RBMS3: variants seen among roughly 807,000 people sequenced by gnomAD.
RBMS3 encodes the protein RNA-binding motif, single-stranded-interacting protein 3.
In RBMS3, 27 loss-of-function variants were observed where a neutral mutation model predicts 66.8. That is an observed-to-expected ratio of 0.40 (90% CI 0.30 to 0.56). The LOEUF (loss-of-function observed/expected upper bound fraction) is 0.56. Among genes scored for constraint, RBMS3 ranks in the 20% least tolerant of loss-of-function variants. RBMS3 has a pLI of 0.40. For synonymous variants in RBMS3, 188 were observed against 183.0 expected (o/e 1.03, Z -0.22); for missense variants, 513 against 549.5 (o/e 0.93, Z 0.66).
intron 6 of RBMS3, among the ~76,000 whole-genome samples, chr3:29,816,781 A>G (rs1401924834): frequency 2.0e-5 from 3 of 152,258 alleles, no homozygotes; most frequent in Non-Finnish European, 2.9e-5. Context: ...CTTGATCCCA[A>G]CTGGCACCTA....
intron 3 of RBMS3, among the ~76,000 whole-genome samples, chr3:29,582,854 T>C (rs1000596983): frequency 6.6e-6 from 1 of 152,180 alleles, no homozygotes; most frequent in South Asian, 2.1e-4. Context: ...AACTCAGTAA[T>C]GCAATGTTTA....
chr3:29,498,523 AAAT>A (rs1188102475), intron 3 of RBMS3, among the ~76,000 whole-genome samples: 8 of 152,202 alleles, frequency 5.3e-5, no homozygotes, highest in Non-Finnish European at 1.2e-4. Flanking sequence ...AATACTATGT[AAAT>A]AACCTTTTAA....
chr3:29,367,735 A>C (rs2037986335), intron 1 of RBMS3, among the ~76,000 whole-genome samples: 1 of 152,142 alleles, frequency 6.6e-6, no homozygotes, highest in South Asian at 2.1e-4. Context: ...TATAAAGTTG[A>C]TTTTTAAAAA....
chr3:29,622,038 C>A (rs2048885114), intron 4 of RBMS3, among the ~76,000 whole-genome samples: 1 of 152,048 alleles, frequency 6.6e-6, no homozygotes, highest in Admixed American at 6.6e-5. Context: ...GACCATAGTG[C>A]CTTCATTTAT....
At chr3:29,824,453 G>A (rs2058154748) in intron 6 of RBMS3, among the ~76,000 whole-genome samples, 1 of 152,098 alleles carries the variant, frequency 6.6e-6, no homozygotes, top group East Asian at 1.9e-4. Flanking sequence ...AATGGACTAA[G>A]ACAATAGTCT....
At chr3:29,749,120 T>A (rs914703276) in intron 5 of RBMS3, among the ~76,000 whole-genome samples, 9 of 152,170 alleles carry the variant, frequency 5.9e-5, no homozygotes, top group African/African-American at 2.2e-4. Flanking sequence ...AGAGAACATG[T>A]ATTCCAAAAT....
chr3:29,384,121 G>T (rs921267795), intron 1 of RBMS3, among the ~76,000 whole-genome samples: 2 of 152,062 alleles, frequency 1.3e-5, no homozygotes, highest in Non-Finnish European at 2.9e-5. Context: ...TTCAAGACCA[G>T]CTGGGGCAAC....
At chr3:29,424,740 C>T (rs1231031931) in intron 1 of RBMS3, among the ~76,000 whole-genome samples, 2 of 152,008 alleles carry the variant, frequency 1.3e-5, no homozygotes, top group Non-Finnish European at 1.5e-5. Context: ...TTTCGTTATA[C>T]GTAATTGGGA....
At chr3:29,383,831 G>A (rs1037159138) in intron 1 of RBMS3, among the ~76,000 whole-genome samples, 1 of 152,122 alleles carries the variant, frequency 6.6e-6, no homozygotes, top group Non-Finnish European at 1.5e-5. Context: ...AGTTTTCAGT[G>A]TCTTTAGCTG....
chr3:29,444,666 GC>G (rs1220806448), intron 2 of RBMS3, among the ~76,000 whole-genome samples: 1 of 151,886 alleles, frequency 6.6e-6, no homozygotes, highest in East Asian at 1.9e-4. Flanking sequence ...TTTGGGTTTG[GC>G]AACATCGAGG....
intron 6 of RBMS3, among the ~76,000 whole-genome samples, chr3:29,767,702 A>G (rs772831531): frequency 5.9e-5 from 9 of 152,148 alleles, no homozygotes; most frequent in Middle Eastern, 3.4e-3. Context: ...GATTTTTTAA[A>G]TGATGAACAC....
chr3:29,672,460 C>T (rs555582571), intron 4 of RBMS3, among the ~76,000 whole-genome samples: 18 of 152,084 alleles, frequency 1.2e-4, no homozygotes, highest in South Asian at 6.2e-4. Context: ...TATAAATGGG[C>T]GAAATGCTCC....
chr3:29,916,324 G>A (rs952548390), intron 10 of RBMS3, among the ~76,000 whole-genome samples: 1 of 151,782 alleles, frequency 6.6e-6, no homozygotes, highest in African/African-American at 2.4e-5. Flanking sequence ...TGCTTAAAGT[G>A]TATCTTCTCT....
At chr3:29,845,216 C>A (rs1312690642) in intron 6 of RBMS3, among the ~76,000 whole-genome samples, 1 of 152,170 alleles carries the variant, frequency 6.6e-6, no homozygotes, top group African/African-American at 2.4e-5. Context: ...TAAATGTTGT[C>A]TTTTTCACCA....
intron 4 of RBMS3, among the ~76,000 whole-genome samples, chr3:29,727,158 G>A (rs750497668): frequency 6.6e-6 from 1 of 152,144 alleles, no homozygotes; most frequent in Non-Finnish European, 1.5e-5. Context: ...AAACTGGCTA[G>A]CCATATGCAG....
chr3:29,831,697 A>G (rs1031938739), intron 6 of RBMS3, among the ~76,000 whole-genome samples: 3 of 152,078 alleles, frequency 2.0e-5, no homozygotes, highest in Admixed American at 1.3e-4. Context: ...ATGTTTGGCA[A>G]ATCTGTTATA....
chr3:29,805,648 A>G lies in RBMS3; in HGVS notation c.637+42659A>G, dbSNP rs2057523401. On this transcript the variant is annotated intron_variant, in intron 6 of 14. Transcript: ENST00000383767. ...TAACAGAAAAGTTTAAACAGTATAAATACTAATTTTAAAAATAGAAAACCA... is the reference window on the plus strand; with the variant it reads ...TAACAGAAAAGTTTAAACAGTATAAGTACTAATTTTAAAAATAGAAAACCA... 4.6e-5 allele frequency among the ~76,000 whole-genome samples: 7 copies of G among 152,174 alleles called. No homozygotes were observed. The South Asian group carries it at 1.4e-3, about 32-fold the overall frequency.
intron 3 of RBMS3, among the ~76,000 whole-genome samples, chr3:29,534,815 T>A (rs1448990203): frequency 6.6e-6 from 1 of 152,184 alleles, no homozygotes; most frequent in African/African-American, 2.4e-5. Context: ...TATCCACTCG[T>A]GTCATATGTC....
chr3:29,932,247 T>C (rs1043547912), intron 10 of RBMS3, among the ~76,000 whole-genome samples: 1 of 152,166 alleles, frequency 6.6e-6, no homozygotes, highest in African/African-American at 2.4e-5. Context: ...CCTTTGAATG[T>C]TTTTAACAAG....
Sources: gnomAD v4.1 joint callset for allele counts (sites outside exome capture counted in the v4.1 genomes callset) on GRCh38, gnomAD v4.1.1 for gene constraint, MANE v1.5 for transcripts, NCBI Gene and HGNC (gene_info 2026-07-23, HGNC 2026-07-21) for gene names.